Variants in SENP1 observed in about 807,000 individuals in gnomAD.
SENP1 encodes SUMO specific peptidase 1.
SENP1 carries 21 observed loss-of-function variants against 93.0 expected under a neutral mutation model. The observed-to-expected ratio is 0.23, with a 90% CI of 0.16 to 0.33. The LOEUF is 0.33. Ranked by LOEUF, SENP1 falls within the 10% of genes least tolerant of loss-of-function variation. The pLI, the probability that SENP1 is intolerant of heterozygous loss-of-function variation, is 1.00. For synonymous variants in SENP1, 256 were observed against 259.6 expected (o/e 0.99, Z 0.13); for missense variants, 591 against 758.7 (o/e 0.78, Z 2.60).
chr12:48,105,430 T>G (rs770417103), intron 1 of SENP1: 2 of 518,892 alleles, frequency 3.9e-6, no homozygotes, highest in Admixed American at 1.9e-5. Flanking sequence ...GTAAGCAAAT[T>G]GTGGCAGTTA....
At chr12:48,092,436 A>G (rs959119977) in intron 4 of SENP1, among the ~76,000 whole-genome samples, 1 of 152,226 alleles carries the variant, frequency 6.6e-6, no homozygotes, top group Non-Finnish European at 1.5e-5. Flanking sequence ...AGACTTCATT[A>G]TAAGAAAAAA....
At chr12:48,068,037 T>TTA (rs1178993981) in intron 9 of SENP1, among the ~76,000 whole-genome samples, 1 of 152,052 alleles carries the variant, frequency 6.6e-6, no homozygotes, top group Admixed American at 6.6e-5. Context: ...ATTTTTTCTT[T>TTA]TTTTTATTTT....
intron 13 of SENP1, among the ~76,000 whole-genome samples, chr12:48,056,428 T>C (rs1942363750): frequency 8.9e-6 from 1 of 112,634 alleles, no homozygotes; most frequent in South Asian, 2.9e-4. Context: ...TAGTACATAT[T>C]ACATATATAA....
chr12:48,047,970 C>G, intron 15 of SENP1, 31 bp downstream of exon 15: 1 of 1,463,280 alleles, frequency 6.8e-7, no homozygotes, highest in Non-Finnish European at 9.6e-7. Context: ...TACCCGATAT[C>G]AAACTCTTCT....
chr12:48,063,545 G>T, intron 13 of SENP1, 165 bp downstream of exon 13: 1 of 560,196 alleles, frequency 1.8e-6, no homozygotes, highest in Non-Finnish European at 3.0e-6. Flanking sequence ...AAAAATGCCT[G>T]TCTCCACCAC....
chr12:48,053,481 A>G (rs1357957724), intron 13 of SENP1, among the ~76,000 whole-genome samples: 1 of 101,844 alleles, frequency 9.8e-6, no homozygotes, highest in Non-Finnish European at 2.0e-5. Flanking sequence ...CTGTCTCAGG[A>G]AAAAAAAAAA....
intron 6 of SENP1, among the ~76,000 whole-genome samples, chr12:48,082,437 G>A (rs944969026): frequency 1.3e-5 from 2 of 152,192 alleles, no homozygotes; most frequent in African/African-American, 2.4e-5. Flanking sequence ...CCATTTACTA[G>A]TCATGTGACC....
chr12:48,092,312 G>C (rs1565801935), intron 4 of SENP1, among the ~76,000 whole-genome samples: 1 of 152,222 alleles, frequency 6.6e-6, no homozygotes, highest in Non-Finnish European at 1.5e-5. Context: ...CACTGCAATC[G>C]ATGTGGGGAT....
chr12:48,093,864 G>A (rs1291450612), intron 4 of SENP1, among the ~76,000 whole-genome samples: 2 of 152,184 alleles, frequency 1.3e-5, no homozygotes, highest in African/African-American at 2.4e-5. Flanking sequence ...TACTCAGGGG[G>A]CTGAGGTGGG....
At chr12:48,066,010 A>G (rs1943271761) in intron 10 of SENP1, among the ~76,000 whole-genome samples, 1 of 152,104 alleles carries the variant, frequency 6.6e-6, no homozygotes, top group African/African-American at 2.4e-5. Flanking sequence ...ACCTATTTTT[A>G]CTGAAATTAC....
At chr12:48,105,469 G>A (rs753987626) in intron 1 of SENP1, 9 of 518,978 alleles carry the variant, frequency 1.7e-5, no homozygotes, top group African/African-American at 7.7e-5. Context: ...GAGCAGGAGG[G>A]TCCAGACGTT....
At position 48,074,797 on chromosome 12, in the gene SENP1, T is replaced by C; in HGVS notation, c.553-4A>G. 6.5e-7 allele frequency: 1 copy of C among 1,532,980 alleles called. No individual in the cohort carries two copies. Among genetic ancestry groups the C allele is most frequent in the Non-Finnish European group, 8.8e-7 (1 of 1,133,124 alleles). 95.0% of individuals were successfully genotyped at this position (1,532,980 alleles called of 1,614,324 possible). On this transcript the variant is annotated splice_region_variant and splice_polypyrimidine_tract_variant and intron_variant, in intron 6 of 17. Transcript: ENST00000549518. ...CTCTTTCTTCTTCTTGAACTGTCTATAAGAAAACAAAAAAAAAAAACAGTT... is the reference window on the plus strand; with the variant it reads ...CTCTTTCTTCTTCTTGAACTGTCTACAAGAAAACAAAAAAAAAAAACAGTT...
intron 4 of SENP1, among the ~76,000 whole-genome samples, chr12:48,096,055 A>C (rs1184586696): frequency 6.6e-6 from 1 of 152,190 alleles, no homozygotes; most frequent in Non-Finnish European, 1.5e-5. Flanking sequence ...ACATATTCCC[A>C]AAAAAAGGTC....
chr12:48,059,005 T>C (rs897477139), intron 13 of SENP1, among the ~76,000 whole-genome samples: 1 of 152,228 alleles, frequency 6.6e-6, no homozygotes, highest in Non-Finnish European at 1.5e-5. Context: ...TTTGTTCTTC[T>C]GTACTTAATG....
At chr12:48,091,882 C>T (rs978837362) in intron 4 of SENP1, among the ~76,000 whole-genome samples, 2 of 152,034 alleles carry the variant, frequency 1.3e-5, no homozygotes, top group Non-Finnish European at 1.5e-5. Flanking sequence ...GGTCTCAGTA[C>T]GTTGCCTGGG....
At chr12:48,071,759 T>TC in intron 8 of SENP1, 38 bp from the exon 9 acceptor site, 1 of 1,367,230 alleles carries the variant, frequency 7.3e-7, no homozygotes, top group South Asian at 1.2e-5. Context: ...GTAATAAAAC[T>TC]CCACAAAGTT....
chr12:48,074,775 T>TTTC lies in SENP1; in HGVS notation c.568_570dup (p.Glu190dup). The TTTC allele has an allele frequency of 6.2e-7, 1 of 1,610,478 alleles. No individual in the cohort carries two copies. The highest frequency in any genetic ancestry group is 8.5e-7 in the Non-Finnish European group (1 of 1,177,922). On this transcript the variant is annotated inframe_insertion, in exon 7 of 18. Transcript: ENST00000549518. ...TGTAGCAGCTGTCTGTAAATCTCTC[T>TTTC]TTCTTCTTCTTGAACTGTCTATAAG...
At chr12:48,093,205 A>AT (rs1297737350) in intron 4 of SENP1, among the ~76,000 whole-genome samples, 1 of 152,004 alleles carries the variant, frequency 6.6e-6, no homozygotes, top group Non-Finnish European at 1.5e-5. Flanking sequence ...TTTTACAGAG[A>AT]TTTTAAAAAA....
At chr12:48,046,474 A>G in intron 16 of SENP1, 23 bp from the exon 17 acceptor site, 1 of 1,479,702 alleles carries the variant, frequency 6.8e-7, no homozygotes, top group Non-Finnish European at 9.5e-7. Context: ...CAACAAAAAA[A>G]ATGACATCTT....
Sources: allele counts gnomAD v4.1 joint callset (sites outside exome capture counted in the v4.1 genomes callset), GRCh38; gene constraint gnomAD v4.1.1; transcripts MANE v1.5; gene names NCBI Gene and HGNC (gene_info 2026-07-23, HGNC 2026-07-21).